The following IPO4 variants were observed in gnomAD, a reference collection of about 807,000 sequenced individuals.
IPO4 encodes the protein importin 4.
IPO4 carries 91 observed loss-of-function variants against 133.5 expected under a neutral mutation model. The observed-to-expected ratio is 0.68, with a 90% confidence interval of 0.58 to 0.81. The LOEUF is 0.81. Ranked by LOEUF, IPO4 falls within the 30% of genes least tolerant of loss-of-function variation. IPO4 has a pLI of 0.00. For missense variants in IPO4, 1,279 were observed against 1,386.2 expected (o/e 0.92, Z 1.23); for synonymous variants, 607 against 581.6 (o/e 1.04, Z -0.63).
chr14:24,187,024 G>GGGCCAAAC (rs779654648), intron 7 of IPO4, 45 bp from the exon 8 acceptor site: 9 of 1,611,386 alleles, frequency 5.6e-6, no homozygotes, highest in South Asian at 5.5e-5. Flanking sequence ...CTTCTTCAGT[G>GGGCCAAAC]GGCCAAACTG....
In IPO4 at chr14:24,187,696, T is replaced by G. The variant is rs1318013494; in HGVS notation, c.379A>C (p.Thr127Pro). The part of the protein sequence containing the change: ...PQLLQLLQHS[T>P]HSPHSPEREM... ...CTCTCTGGGCTGTGGGGGCTGTGGGTACTGTGCTGAAGCAGCTGCAAAAGC... is the reference window on the plus strand; with the variant it reads ...CTCTCTGGGCTGTGGGGGCTGTGGGGACTGTGCTGAAGCAGCTGCAAAAGC... Residue 127 changes from threonine to proline, a missense_variant, in exon 5 of 30, where the codon ACC (threonine) becomes CCC (proline). By Grantham distance (38) the Thr-to-Pro change is conservative (BLOSUM62 -1). Coordinates refer to ENST00000354464, the MANE Select transcript of IPO4 (RefSeq NM_024658.4). 1.2e-6 allele frequency: 2 copies of G among 1,614,192 alleles called. No homozygotes were observed. The highest frequency in any genetic ancestry group is 1.7e-6 in the Non-Finnish European group (2 of 1,180,024).
intron 9 of IPO4, 47 bp from the exon 10 acceptor site, chr14:24,186,498 A>C: frequency 6.6e-7 from 1 of 1,522,058 alleles, no homozygotes; most frequent in Non-Finnish European, 8.8e-7. Context: ...TGCTCCCAGG[A>C]TGGGCTCACA....
chr14:24,186,356 G>A lies in IPO4; in HGVS notation c.936C>T (p.Asp312=). ...EPPPGQLDPE[D]QDSEEEELEI... ...CCAACTCTTCCTCTTCTGAATCCTG[G>A]TCCTCGGGATCCAACTGGCCTGGTG... is the stretch of plus-strand genomic sequence containing the variant. Residue 312 remains aspartate, a synonymous_variant, in exon 10 of 30, where the codon GAC becomes GAT. Transcript: ENST00000354464. The A allele has an allele frequency of 6.2e-7, 1 of 1,613,234 alleles. No homozygotes were observed. Among genetic ancestry groups the A allele is most frequent in the South Asian group, 1.1e-5 (1 of 90,874 alleles).
chr14:24,181,060 G>A (rs1397452066), intron 28 of IPO4, among the ~76,000 whole-genome samples: 1 of 152,170 alleles, frequency 6.6e-6, no homozygotes, highest in Non-Finnish European at 1.5e-5. Flanking sequence ...ATAAGACAAG[G>A]GTGACACAAA....
At position 24,185,923 on chromosome 14, in the gene IPO4, G is replaced by T. The variant is rs1594442091; in HGVS notation, c.1107C>A (p.Arg369=). 6.2e-7 allele frequency: 1 copy of T among 1,614,090 alleles called. No homozygotes were observed. Among genetic ancestry groups the T allele is most frequent in the East Asian group, 2.2e-5 (1 of 44,888 alleles). ...EALRSESPYQ[R]KAGLLVLAVL... ...CGGCCAGCACCAGGAGTCCAGCTTT[G>T]CGCTGGTATGGGCTCTCGCTCCGCA... Residue 369 remains arginine, a synonymous_variant, in exon 12 of 30, where the codon CGC becomes CGA. Coordinates refer to ENST00000354464, the MANE Select transcript of IPO4 (RefSeq NM_024658.4).
Position 24,187,136 on chromosome 14 carries a change from C to A in IPO4, c.603G>T (p.Met201Ile), listed in dbSNP as rs754030311. ...TGGCCATGATCAGCTTGGGCACCAA[C>A]ATCCGAGCGAGAGGCTGAGGGACAC... is the stretch of plus-strand genomic sequence containing the variant. ...LSTEDVPLAR[M>I]LVPKLIMAMQ... The change falls in exon 7 of 30, where the codon ATG becomes ATT. Residue 201 changes from methionine (M) to isoleucine (I), a missense_variant. Met to Ile is a conservative substitution (Grantham distance 10, BLOSUM62 1). Transcript: ENST00000354464. 1.9e-6 allele frequency: 3 copies of A among 1,613,850 alleles called. No individual in the cohort carries two copies. In the Admixed American group the frequency reaches 5.0e-5, roughly 27 times the overall value.
In IPO4 at chr14:24,180,695, G is replaced by A. The variant is rs774497938; in HGVS notation, c.3109C>T (p.Pro1037Ser). Residue 1037 changes from proline (P) to serine (S), a missense_variant, in exon 29 of 30, where the codon CCA (proline) becomes TCA (serine). Physicochemically the swap from Pro to Ser is moderately conservative, Grantham distance 74. This residue lies in a region of IPO4 where 575 missense variants were observed against 653.4 expected (regional missense o/e 0.88). Coordinates refer to ENST00000354464, the MANE Select transcript of IPO4 (RefSeq NM_024658.4). ...CSLILADNKI[P>S]PDTKAALLLL... ...CTATGACTCCTACCCTCACCTGGTG[G>A]GATCTTGTTGTCAGCCAGAATGAGG... 1.2e-6 allele frequency: 2 copies of A among 1,614,166 alleles called. No homozygotes were observed. Among genetic ancestry groups the A allele is most frequent in the South Asian group, 2.2e-5 (2 of 91,082 alleles).
At position 24,180,748 on chromosome 14, in the gene IPO4, A is replaced by T. The variant is rs2039122160; in HGVS notation, c.3056T>A (p.Val1019Glu). ...YQSSPDQVID[V>E]APELLRICSL... is the part of the protein sequence containing the mutation. ...GCAGATACGCAGAAGCTCGGGAGCC[A>T]CATCTATAACCTGTGAGGAAAGAGT... is the stretch of plus-strand genomic sequence containing the variant. Residue 1019 changes from valine (V) to glutamate (E), a missense_variant, in exon 29 of 30, where the codon GTG (valine) becomes GAG (glutamate). This residue lies in a region of IPO4 where 575 missense variants were observed against 653.4 expected (regional missense o/e 0.88). Transcript: ENST00000354464. 6.2e-7 allele frequency: 1 copy of T among 1,613,982 alleles called. No homozygotes were observed. The highest frequency in any genetic ancestry group is 1.3e-5 in the African/African-American group (1 of 75,060).
chr14:24,186,019 A>G (rs1286618502), intron 11 of IPO4, 49 bp from the exon 12 acceptor site: 7 of 1,600,638 alleles, frequency 4.4e-6, no homozygotes, highest in Admixed American at 1.7e-5. Context: ...GAGCCTGCCC[A>G]TTCCTGTGGT....
intron 24 of IPO4, 130 bp downstream of exon 24, chr14:24,182,661 TC>T (rs2039159232): frequency 1.8e-6 from 2 of 1,099,338 alleles, no homozygotes; most frequent in African/African-American, 1.5e-5. Context: ...CAGGGTTGTA[TC>T]CCTCTGGCCA....
chr14:24,184,475 A>AG, intron 16 of IPO4, 57 bp from the exon 17 acceptor site: 1 of 1,569,100 alleles, frequency 6.4e-7, no homozygotes, highest in Non-Finnish European at 8.6e-7. Flanking sequence ...ACGGGACCAA[A>AG]GGTGGTGGCT....
intron 29 of IPO4, 32 bp from the exon 30 acceptor site, chr14:24,180,604 C>A (rs763556257): frequency 3.7e-6 from 6 of 1,611,828 alleles, no homozygotes; most frequent in Non-Finnish European, 5.1e-6. Context: ...AAGGTCGGGG[C>A]TCCTAAAGCC....
At position 24,185,299 on chromosome 14, in the gene IPO4, C is replaced by T; in HGVS notation, c.1292G>A (p.Ser431Asn). The T allele has an allele frequency of 1.2e-6, 2 of 1,614,104 alleles. No individual in the cohort carries two copies. Among genetic ancestry groups the T allele is most frequent in the Non-Finnish European group, 1.7e-6 (2 of 1,179,992 alleles). ...FSENLQPHIS[S>N]YSREVMPLLL... ...CAGTGGCATTACCTCCCTTGAATAG[C>T]TGCTGATATGGGGCTGGGGGAGGGA... is the stretch of plus-strand genomic sequence containing the variant. The change falls in exon 14 of 30, where the codon AGC (serine) becomes AAC (asparagine). Residue 431 changes from serine to asparagine, a missense_variant. By Grantham distance (46) the Ser-to-Asn change is conservative. Transcript: ENST00000354464.
chr14:24,186,817 C>A lies in IPO4; in HGVS notation c.757-26G>T, dbSNP rs377569051. ...CTGTCCACAGAATAATAAAAATCAG[C>A]GACAGGGAAGGAGAGTCCCAGCAGA... On this transcript the variant is annotated intron_variant, in intron 8 of 29. Coordinates refer to ENST00000354464, the MANE Select transcript of IPO4 (RefSeq NM_024658.4). 3.2e-5 allele frequency: 52 copies of A among 1,613,080 alleles called. 1 individual carries two copies. In the South Asian group the frequency reaches 5.4e-4, roughly 17 times the overall value.
chr14:24,183,096 C>T lies in IPO4; in HGVS notation c.2301G>A (p.Val767=), dbSNP rs777355187. 1.2e-6 allele frequency: 2 copies of T among 1,613,882 alleles called. No individual in the cohort carries two copies. The highest frequency in any genetic ancestry group is 1.7e-6 in the Non-Finnish European group (2 of 1,180,028). The stretch of plus-strand genomic sequence containing the variant: ...TCAGGGCCTCCAGCACGGCCATCAC[C>T]ACCTGGCGTTCCCGCTCCCTGTTCA... The part of the protein sequence containing the change: ...QAVNRERERQ[V]VMAVLEALTG... Residue 767 remains valine, a synonymous_variant, in exon 23 of 30, where the codon GTG becomes GTA. Transcript: ENST00000354464.
In IPO4 at chr14:24,185,203, T is replaced by C. The variant is rs1199935283; in HGVS notation, c.1388A>G (p.Glu463Gly). Residue 463 changes from glutamate (E) to glycine (G), a missense_variant, in exon 14 of 30, where the codon GAG becomes GGG. This residue lies in a region of IPO4 where 695 missense variants were observed against 704.1 expected (regional missense o/e 0.99). Transcript: ENST00000354464. ...HHLAKACYAL[E>G]NFVENLGPKV... is the part of the protein sequence containing the mutation. ...ACTACCTAGGTTCTCCACAAAATTC[T>C]CCAGGGCATAGCAGGCCTTGGCTAG... The C allele has an allele frequency of 1.2e-6, 2 of 1,613,926 alleles. No individual in the cohort carries two copies. The highest frequency in any genetic ancestry group is 8.5e-7 in the Non-Finnish European group (1 of 1,180,024).
chr14:24,187,092 A>T lies in IPO4; in HGVS notation c.647T>A (p.Ile216Lys). The change falls in exon 7 of 30, where the codon ATA (isoleucine) becomes AAA (lysine). Residue 216 changes from isoleucine to lysine, a missense_variant. Coordinates refer to ENST00000354464, the MANE Select transcript of IPO4 (RefSeq NM_024658.4). ...CTGCCCACCTGTCCTCACCTCATCT[A>T]TGGGGATCAGAGTCTGCATGGCCAT... is the stretch of plus-strand genomic sequence containing the variant. Reference protein sequence around the residue: ...LIMAMQTLIPIDEAKACEALE... With the variant: ...LIMAMQTLIPKDEAKACEALE... 1 of 1,613,998 alleles carries T rather than the reference A, an allele frequency of 6.2e-7. No homozygotes were observed. The highest frequency in any genetic ancestry group is 8.5e-7 in the Non-Finnish European group (1 of 1,179,938).
intron 17 of IPO4, 52 bp downstream of exon 17, chr14:24,184,246 G>A: frequency 6.4e-7 from 1 of 1,567,646 alleles, no homozygotes; most frequent in Non-Finnish European, 8.7e-7. Context: ...GGTCCAGTGG[G>A]AAGACAGGAG....
rs1481134602 is a variant in IPO4, at chr14:24,186,175, T to C, written c.1013A>G (p.Asp338Gly). The C allele has an allele frequency of 4.3e-6, 7 of 1,613,704 alleles. No homozygotes were observed. The highest frequency in any genetic ancestry group is 5.9e-6 in the Non-Finnish European group (7 of 1,179,902). The change falls in exon 11 of 30, where the codon GAC (aspartate) becomes GGC (glycine). Residue 338 changes from aspartate to glycine, a missense_variant. Transcript: ENST00000354464. ...TPKHFAVQVV[D>G]MLALHLPPEK... is the part of the protein sequence containing the mutation. ...GGGGGGCAGGTGTAGTGCCAGCATG[T>C]CCACAACCTGAGATGGGATGGGGAG...
Sources: gnomAD v4.1 joint callset for allele counts (sites outside exome capture counted in the v4.1 genomes callset) on GRCh38, gnomAD v4.1.1 for gene constraint, gnomAD v4.1.1 regional missense constraint, MANE v1.5 for transcripts, NCBI Gene and HGNC (gene_info 2026-07-23, HGNC 2026-07-21) for gene names.